Variants in MTA3 observed in about 807,000 individuals in gnomAD.
MTA3 encodes the protein metastasis associated 1 family member 3.
A neutral mutation model predicts 83.5 loss-of-function variants in MTA3; 34 were observed. The ratio of observed to expected loss-of-function variants is 0.41; its 90% CI spans 0.31 to 0.54. The LOEUF is 0.54. Ranked by LOEUF, MTA3 falls within the 20% of genes least tolerant of loss-of-function variation. MTA3 has a pLI of 0.33. For missense variants in MTA3, 761 were observed against 726.4 expected (o/e 1.05, Z -0.55); for synonymous variants, 303 against 252.7 (o/e 1.20, Z -1.89).
intron 3 of MTA3, among the ~76,000 whole-genome samples, chr2:42,592,592 T>G (rs1276053718): frequency 6.6e-6 from 1 of 152,074 alleles, no homozygotes; most frequent in Admixed American, 6.6e-5. Flanking sequence ...TCAAAAAAAT[T>G]CATTTTCACT....
At position 42,754,964 on chromosome 2, in the gene MTA3, G is replaced by C; in HGVS notation, c.*1565G>C. On this transcript the variant is annotated 3_prime_UTR_variant, in exon 17 of 17. Coordinates refer to ENST00000405094, the MANE Select transcript of MTA3 (RefSeq NM_001330442.2). ...TAGGCTTCTGCAAGGGCGAGCATGG[G>C]ATGTCTCCACCACCACCCACTCTTG... 3.0e-6 allele frequency: 3 copies of C among 985,522 alleles called. No individual in the cohort carries two copies. Among genetic ancestry groups the C allele is most frequent in the Non-Finnish European group, 3.6e-6 (3 of 830,062 alleles). 61.0% of individuals were successfully genotyped at this position (985,522 alleles called of 1,614,324 possible).
intron 2 of MTA3, among the ~76,000 whole-genome samples, chr2:42,503,614 T>A (rs900892264): frequency 1.8e-4 from 28 of 152,206 alleles, no homozygotes; most frequent in African/African-American, 6.8e-4. Context: ...ACTAGCTAGG[T>A]GCCTGGAATT....
intron 2 of MTA3, among the ~76,000 whole-genome samples, chr2:42,554,675 G>C (rs1677293791): frequency 6.6e-6 from 1 of 152,156 alleles, no homozygotes; most frequent in South Asian, 2.1e-4. Flanking sequence ...CTCCTTTTGA[G>C]ATCTCCTCTT....
At chr2:42,742,258 C>G (rs1427107045) in intron 16 of MTA3, among the ~76,000 whole-genome samples, 1 of 152,002 alleles carries the variant, frequency 6.6e-6, no homozygotes, top group Non-Finnish European at 1.5e-5. Context: ...CCTGCCTTAG[C>G]TTCCAGAGTA....
chr2:42,560,772 T>C (rs1447030881), intron 2 of MTA3, among the ~76,000 whole-genome samples: 2 of 150,064 alleles, frequency 1.3e-5, no homozygotes, highest in African/African-American at 4.9e-5. Context: ...GGGGATATGG[T>C]GGCGCATGCC....
chr2:42,530,634 A>C (rs1289911155), intron 2 of MTA3, among the ~76,000 whole-genome samples: 5 of 151,150 alleles, frequency 3.3e-5, no homozygotes, highest in Non-Finnish European at 5.9e-5. Flanking sequence ...AAATACAAAA[A>C]ATTAGCTGGG....
At chr2:42,593,252 C>T (rs1008377671) in intron 3 of MTA3, among the ~76,000 whole-genome samples, 2 of 151,374 alleles carry the variant, frequency 1.3e-5, no homozygotes, top group South Asian at 2.1e-4. Context: ...TTTGGGAGGC[C>T]GAGGTGGGCG....
chr2:42,741,395 T>G (rs1357289916), intron 16 of MTA3, among the ~76,000 whole-genome samples: 1 of 152,252 alleles, frequency 6.6e-6, no homozygotes. Flanking sequence ...CCAAGTTGCA[T>G]TCACCACTTG....
intron 2 of MTA3, among the ~76,000 whole-genome samples, chr2:42,507,616 T>C (rs1316610917): frequency 1.3e-5 from 2 of 151,678 alleles, no homozygotes; most frequent in Non-Finnish European, 2.9e-5. Flanking sequence ...GAAAAGATTA[T>C]GTTTTTAATG....
At chr2:42,582,351 C>G (rs893041051) in intron 3 of MTA3, among the ~76,000 whole-genome samples, 5 of 152,214 alleles carry the variant, frequency 3.3e-5, no homozygotes, top group African/African-American at 1.2e-4. Flanking sequence ...AGCCACTGCG[C>G]CCAGCCCGAG....
intron 2 of MTA3, among the ~76,000 whole-genome samples, chr2:42,515,020 A>G (rs961105791): frequency 2.0e-5 from 3 of 151,518 alleles, no homozygotes; most frequent in African/African-American, 7.3e-5. Context: ...TTGGATATGT[A>G]TGCCTGTGTT....
chr2:42,562,402 C>G (rs960907702), intron 2 of MTA3, among the ~76,000 whole-genome samples: 1 of 152,246 alleles, frequency 6.6e-6, no homozygotes, highest in East Asian at 1.9e-4. Flanking sequence ...TCCTTCTGTT[C>G]TTTCCATCTT....
chr2:42,610,811 C>G (rs552355985), intron 4 of MTA3, among the ~76,000 whole-genome samples: 3 of 152,038 alleles, frequency 2.0e-5, no homozygotes, highest in Admixed American at 2.0e-4. Flanking sequence ...AGCTTGTGAC[C>G]AGGGTAAGGA....
chr2:42,542,033 G>A (rs1369282969), intron 2 of MTA3, among the ~76,000 whole-genome samples: 2 of 152,168 alleles, frequency 1.3e-5, no homozygotes, highest in Non-Finnish European at 2.9e-5. Flanking sequence ...GGGCTTTTCA[G>A]TGTGTGTGCT....
At position 42,583,902 on chromosome 2, in the gene MTA3, C is replaced by T. The variant is rs114937379; in HGVS notation, c.190+4702C>T. On this transcript the variant is annotated intron_variant, in intron 3 of 16. Transcript: ENST00000405094. ...TGTTGCCCAGGCTGGAGTGCAGTGG[C>T]GCGTGATCTCAGCTCAACGTAACCT... is the stretch of plus-strand genomic sequence containing the variant. Among the ~76,000 whole-genome samples the T allele has an allele frequency of 5.3e-3, 802 of 151,404 alleles. 5 individuals are homozygous for T. The highest frequency in any genetic ancestry group is 0.017 in the African/African-American group (715 of 41,218).
At chr2:42,745,095 T>A (rs540945750) in intron 16 of MTA3, among the ~76,000 whole-genome samples, 1 of 152,242 alleles carries the variant, frequency 6.6e-6, no homozygotes, top group Non-Finnish European at 1.5e-5. Flanking sequence ...TGAGTTATAA[T>A]CTATGCATTT....
At chr2:42,667,570 TTGTGTGTGTGTGTG>T (rs1553379043) in intron 8 of MTA3, among the ~76,000 whole-genome samples, 57 of 145,116 alleles carry the variant, frequency 3.9e-4, no homozygotes, top group Non-Finnish European at 5.6e-4. Flanking sequence ...CATTTAAAAA[TTGTGTGTGTGTGTG>T]TGTGTGTGTG....
At chr2:42,712,462 T>C (rs1666706232) in intron 14 of MTA3, among the ~76,000 whole-genome samples, 1 of 151,910 alleles carries the variant, frequency 6.6e-6, no homozygotes, top group South Asian at 2.1e-4. Flanking sequence ...GGTTAATTTA[T>C]TTTTTTTAGA....
At chr2:42,588,219 A>G (rs1573088739) in intron 3 of MTA3, among the ~76,000 whole-genome samples, 1 of 152,112 alleles carries the variant, frequency 6.6e-6, no homozygotes, top group Non-Finnish European at 1.5e-5. Flanking sequence ...TCTGTTCCTC[A>G]TGTTTGATTT....
Sources: allele counts gnomAD v4.1 joint callset (sites outside exome capture counted in the v4.1 genomes callset), GRCh38; gene constraint gnomAD v4.1.1; transcripts MANE v1.5; gene names NCBI Gene and HGNC (gene_info 2026-07-23, HGNC 2026-07-21).